The following MACROD2 variants were observed in gnomAD, a reference collection of about 807,000 sequenced individuals.
The protein encoded by MACROD2 is ADP-ribose glycohydrolase MACROD2.
MACROD2 carries 36 observed loss-of-function variants against 70.4 expected under a neutral mutation model. The observed-to-expected ratio is 0.51, with a 90% CI of 0.39 to 0.68. The LOEUF (loss-of-function observed/expected upper bound fraction) is 0.68, where lower values mean the gene tolerates loss of function less well. Ranked by LOEUF, MACROD2 falls within the 30% of genes least tolerant of loss-of-function variation. The pLI, the probability that MACROD2 is intolerant of heterozygous loss-of-function variation, is 0.00. For synonymous variants in MACROD2, 172 were observed against 178.8 expected (o/e 0.96, Z 0.30); for missense variants, 496 against 538.4 (o/e 0.92, Z 0.78).
rs2083633777 is a variant in MACROD2, at chr20:14,401,116, A to G, written c.272-92363A>G. Among the ~76,000 whole-genome samples, 3 of 152,332 alleles carry G rather than the reference A, an allele frequency of 2.0e-5. No individual in the cohort carries two copies. The South Asian group carries it at 6.2e-4, about 32-fold the overall frequency. On this transcript the variant is annotated intron_variant, in intron 3 of 17. Transcript: ENST00000684519. ...TTCAAATCAATTAATCATTCCATAA[A>G]TTAACTAAATTGAGCAGATTTCTGA... is the stretch of plus-strand genomic sequence containing the variant.
intron 7 of MACROD2, among the ~76,000 whole-genome samples, chr20:15,435,645 A>G (rs967673607): frequency 1.3e-5 from 2 of 152,172 alleles, no homozygotes; most frequent in East Asian, 3.8e-4. Flanking sequence ...GATTATTAAT[A>G]AAGTAAACTT....
chr20:15,902,620 C>T (rs572676470), intron 10 of MACROD2, among the ~76,000 whole-genome samples: 4 of 152,038 alleles, frequency 2.6e-5, no homozygotes, highest in African/African-American at 7.2e-5. Flanking sequence ...TTCTACCTTG[C>T]GCCCTCTCGG....
intron 5 of MACROD2, among the ~76,000 whole-genome samples, chr20:15,225,320 A>G (rs776462181): frequency 9.8e-5 from 15 of 152,318 alleles, no homozygotes; most frequent in Admixed American, 2.0e-4. Context: ...TTATAAGGAC[A>G]GGGTAAATGG....
At chr20:16,000,283 T>C (rs1455275862) in intron 15 of MACROD2, among the ~76,000 whole-genome samples, 1 of 152,208 alleles carries the variant, frequency 6.6e-6, no homozygotes, top group Non-Finnish European at 1.5e-5. Context: ...ACGCATCCAC[T>C]TGAGATGTTT....
intron 8 of MACROD2, among the ~76,000 whole-genome samples, chr20:15,573,539 A>T (rs1299525868): frequency 1.3e-5 from 2 of 152,190 alleles, no homozygotes; most frequent in African/African-American, 4.8e-5. Flanking sequence ...GAACTCCCTT[A>T]TAAGTAGTTG....
intron 8 of MACROD2, among the ~76,000 whole-genome samples, chr20:15,561,388 G>A (rs188334602): frequency 3.9e-5 from 6 of 152,330 alleles, no homozygotes; most frequent in Admixed American, 1.3e-4. Context: ...TTGTAGTGAT[G>A]TTGTCATTTT....
Position 15,570,752 on chromosome 20 carries a change from C to G in MACROD2, c.645+70905C>G, listed in dbSNP as rs530059567. On this transcript the variant is annotated intron_variant, in intron 8 of 17. Transcript: ENST00000684519. ...ATCCTTTCTTGCATCCTCAAAAATC[C>G]TCAGATTCACTCGAATTGGACCAAT... 3.3e-5 allele frequency among the ~76,000 whole-genome samples: 5 copies of G among 152,240 alleles called. No individual in the cohort carries two copies. In the East Asian group the frequency reaches 9.6e-4, roughly 29 times the overall value.
intron 8 of MACROD2, among the ~76,000 whole-genome samples, chr20:15,815,474 T>C (rs1568576202): frequency 6.6e-6 from 1 of 152,030 alleles, no homozygotes; most frequent in Non-Finnish European, 1.5e-5. Flanking sequence ...CGACAGCTGG[T>C]GTTCATATGA....
At chr20:14,257,513 A>G (rs2082067410) in intron 3 of MACROD2, among the ~76,000 whole-genome samples, 2 of 152,120 alleles carry the variant, frequency 1.3e-5, no homozygotes, top group Admixed American at 1.3e-4. Context: ...TGAAAACTCT[A>G]AAAGGGAATT....
intron 5 of MACROD2, among the ~76,000 whole-genome samples, chr20:15,165,485 G>A (rs6034119): frequency 0.023 from 3,525 of 152,140 alleles, 132 homozygotes; most frequent in African/African-American, 0.081. Flanking sequence ...AAATAAATTC[G>A]GAAACTTAGA....
chr20:14,993,852 T>C (rs2074926893), intron 5 of MACROD2, among the ~76,000 whole-genome samples: 1 of 145,864 alleles, frequency 6.9e-6, no homozygotes, highest in African/African-American at 2.4e-5. Context: ...ATAATCAATC[T>C]TTATGAAATA....
chr20:14,090,013 T>G (rs2054126549), intron 3 of MACROD2, among the ~76,000 whole-genome samples: 1 of 152,200 alleles, frequency 6.6e-6, no homozygotes, highest in Non-Finnish European at 1.5e-5. Context: ...TGGTTACTTT[T>G]TCAACCTTGC....
chr20:14,641,819 CAGTT>C (rs1985114410), intron 4 of MACROD2, among the ~76,000 whole-genome samples: 1 of 152,178 alleles, frequency 6.6e-6, no homozygotes, highest in African/African-American at 2.4e-5. Context: ...TTATAAAGCA[CAGTT>C]AGAGTAGATT....
chr20:15,524,282 GGCCA>G (rs2047690699), intron 8 of MACROD2, among the ~76,000 whole-genome samples: 2 of 151,732 alleles, frequency 1.3e-5, no homozygotes. Context: ...CCCTTTCAGG[GGCCA>G]AGGCAGGCCA....
rs535050197 is a variant in MACROD2 at position 14,613,393 on chromosome 20, G to A, written c.302-71450G>A. ...TTACGGTGGGCTGGAAGGTGTTTCT[G>A]TTTCTCTTGGTTAACATATATGGGG... On this transcript the variant is annotated intron_variant, in intron 4 of 17. Transcript: ENST00000684519. Among the ~76,000 whole-genome samples the A allele has an allele frequency of 1.7e-3, 253 of 152,130 alleles. 1 individual carries two copies. Among genetic ancestry groups the A allele is most frequent in the African/African-American group, 5.7e-3 (236 of 41,522 alleles).
chr20:14,035,985 A>G (rs1417088525), intron 2 of MACROD2, among the ~76,000 whole-genome samples: 1 of 152,140 alleles, frequency 6.6e-6, no homozygotes, highest in Non-Finnish European at 1.5e-5. Context: ...TACTAAAAAT[A>G]CAAAAAATTA....
chr20:15,680,754 C>A (rs1351835819), intron 8 of MACROD2, among the ~76,000 whole-genome samples: 1 of 152,140 alleles, frequency 6.6e-6, no homozygotes, highest in Non-Finnish European at 1.5e-5. Flanking sequence ...TAGTGCGAAC[C>A]AACCACATAT....
At chr20:14,750,320 G>A (rs1196851675) in intron 5 of MACROD2, among the ~76,000 whole-genome samples, 1 of 152,050 alleles carries the variant, frequency 6.6e-6, no homozygotes, top group African/African-American at 2.4e-5. Context: ...AAACAGTGTT[G>A]ATGTTTCTCT....
chr20:15,031,060 T>C (rs997588337), intron 5 of MACROD2, among the ~76,000 whole-genome samples: 4 of 152,134 alleles, frequency 2.6e-5, no homozygotes, highest in African/African-American at 9.7e-5. Flanking sequence ...GAGCTCAGGG[T>C]CTGGCCACTG....
Sources: allele counts gnomAD v4.1 joint callset (sites outside exome capture counted in the v4.1 genomes callset), GRCh38; gene constraint gnomAD v4.1.1; transcripts MANE v1.5; gene names NCBI Gene and HGNC (gene_info 2026-07-23, HGNC 2026-07-21).